Variants in AKAP13 observed in about 807,000 individuals in gnomAD.
AKAP13 encodes the protein A-kinase anchoring protein 13.
Under a neutral mutation model 264.5 loss-of-function variants are expected in AKAP13, and 80 were observed. That is an observed-to-expected ratio of 0.30 (90% CI 0.25 to 0.36). The LOEUF is 0.36. AKAP13 is among the 10% of genes least tolerant of loss of function. AKAP13 has a pLI of 1.00. For missense variants in AKAP13, 3,712 were observed against 3,435.2 expected, an observed-to-expected ratio of 1.08 and a Z score of -2.01; for synonymous variants, 1,380 against 1,250.2, an observed-to-expected ratio of 1.10 and a Z score of -2.19.
intron 7 of AKAP13, among the ~76,000 whole-genome samples, 158 bp downstream of exon 7, chr15:85,582,265 A>G (rs541973866): frequency 1.3e-5 from 2 of 152,322 alleles, no homozygotes; most frequent in South Asian, 2.1e-4. Context: ...CAGGAGGGGC[A>G]CGTCATCTCA....
intron 29 of AKAP13, among the ~76,000 whole-genome samples, chr15:85,728,235 A>C (rs2087737756): frequency 6.6e-6 from 1 of 152,234 alleles, no homozygotes; most frequent in South Asian, 2.1e-4. Context: ...TTTCAAAGTA[A>C]AGACTATGCT....
At chr15:85,480,660 G>C (rs2075322450) in intron 1 of AKAP13, among the ~76,000 whole-genome samples, 1 of 151,992 alleles carries the variant, frequency 6.6e-6, no homozygotes, top group Admixed American at 6.6e-5. Context: ...GATGTATAAA[G>C]CTGTTGGATA....
At chr15:85,640,827 A>C (rs1567170312) in intron 9 of AKAP13, among the ~76,000 whole-genome samples, 1 of 152,184 alleles carries the variant, frequency 6.6e-6, no homozygotes, top group Non-Finnish European at 1.5e-5. Context: ...GGAAGGAAAG[A>C]TCTCCACACA....
intron 1 of AKAP13, among the ~76,000 whole-genome samples, chr15:85,409,700 G>A (rs952019795): frequency 7.5e-5 from 11 of 146,612 alleles, no homozygotes; most frequent in South Asian, 2.2e-4. Flanking sequence ...GTGCGATCTC[G>A]GCTCACTGCA....
At chr15:85,601,409 T>G (rs2080063157) in intron 8 of AKAP13, among the ~76,000 whole-genome samples, 1 of 152,222 alleles carries the variant, frequency 6.6e-6, no homozygotes, top group South Asian at 2.1e-4. Context: ...GTTATGAAAT[T>G]GTTTAGACCT....
At chr15:85,465,434 C>T (rs781586728) in intron 1 of AKAP13, among the ~76,000 whole-genome samples, 51 of 150,454 alleles carry the variant, frequency 3.4e-4, no homozygotes, top group Non-Finnish European at 6.5e-4. Context: ...ATGTGCCATG[C>T]TGGTGTGCCG....
At position 85,747,163 on chromosome 15, in the gene AKAP13, C is replaced by G. The variant is rs1263617481; in HGVS notation, c.*2486C>G. The G allele has an allele frequency of 6.6e-6, 1 of 152,214 alleles. No homozygotes were observed. The highest frequency in any genetic ancestry group is 1.5e-5 in the Non-Finnish European group (1 of 68,054). The allele number at this position is 152,214 out of a possible 1,614,324, so 9.4% of individuals were successfully genotyped here. A position where few individuals can be genotyped will look rare whatever the true frequency, so the allele number is the denominator to read the frequency against. On this transcript the variant is annotated 3_prime_UTR_variant, in exon 37 of 37. Coordinates refer to ENST00000394518, the MANE Select transcript of AKAP13 (RefSeq NM_007200.5). ...TTCCCTCAAACCACCCAACTTCATC[C>G]AGGAATACAGTCTGCAGTGCAGCAA...
intron 8 of AKAP13, among the ~76,000 whole-genome samples, chr15:85,614,583 A>G (rs1450009244): frequency 6.6e-6 from 1 of 152,216 alleles, no homozygotes; most frequent in Non-Finnish European, 1.5e-5. Flanking sequence ...GTAAAATCAA[A>G]TGTAGGGATA....
intron 1 of AKAP13, among the ~76,000 whole-genome samples, chr15:85,399,502 C>CAAAAAAAAAAAAAAA (rs71138392): frequency 7.8e-5 from 6 of 77,066 alleles, no homozygotes; most frequent in African/African-American, 3.0e-4. Context: ...GACTCCGTCT[C>CAAAAAAAAAAAAAAA]AAAAAAAAAA....
rs1173912822 is a variant in AKAP13, at chr15:85,580,894, C to G, written c.2826C>G (p.Leu942=). The stretch of plus-strand genomic sequence containing the variant: ...GTTCCTCTATTAAGGAAAATGCTCT[C>G]TCTTCAGGAACTTTGCAGGAAGAGC... The part of the protein sequence containing the change: ...VTCSSIKENA[L]SSGTLQEEQR... The change falls in exon 7 of 37, where the codon CTC becomes CTG. Residue 942 remains leucine, a synonymous_variant. Transcript: ENST00000394518. The G allele has an allele frequency of 3.1e-6, 5 of 1,614,204 alleles. No homozygotes were observed. Among genetic ancestry groups the G allele is most frequent in the African/African-American group, 1.3e-5 (1 of 75,054 alleles).
intron 5 of AKAP13, among the ~76,000 whole-genome samples, chr15:85,574,876 T>C (rs1218486887): frequency 6.6e-6 from 1 of 152,206 alleles, no homozygotes. Context: ...ATCCCACATA[T>C]CTCTTTATCT....
intron 23 of AKAP13, among the ~76,000 whole-genome samples, chr15:85,720,126 C>T (rs1466792494): frequency 1.3e-5 from 2 of 151,844 alleles, no homozygotes; most frequent in African/African-American, 4.8e-5. Flanking sequence ...CCCAACCACT[C>T]AGGAGCCCGA....
intron 8 of AKAP13, among the ~76,000 whole-genome samples, chr15:85,614,283 A>G (rs2080841341): frequency 6.6e-6 from 1 of 152,224 alleles, no homozygotes; most frequent in Admixed American, 6.5e-5. Flanking sequence ...AATATCTGAA[A>G]TGCTGCCAAA....
chr15:85,683,689 T>C (rs1861858), intron 15 of AKAP13: 26,830 of 152,252 alleles, frequency 0.18, 2,628 homozygotes, highest in Non-Finnish European at 0.22. Context: ...GAGGCTGGTC[T>C]TGAACTCCTG....
At position 85,669,884 on chromosome 15, in the gene AKAP13, C is replaced by T. The variant is rs748463817; in HGVS notation, c.5101+54C>T. On this transcript the variant is annotated intron_variant, in intron 14 of 36. Transcript: ENST00000394518. ...AATATATTAAATCTTAACCACTCTTCCTATTATTTTTCTCACTTTAAGGCC... is the reference window on the plus strand; with the variant it reads ...AATATATTAAATCTTAACCACTCTTTCTATTATTTTTCTCACTTTAAGGCC... 4.0e-4 allele frequency: 547 copies of T among 1,354,264 alleles called. 2 individuals carry two copies. The highest frequency in any genetic ancestry group is 7.8e-5 in the Non-Finnish European group (76 of 978,204). 83.9% of individuals were successfully genotyped at this position (1,354,264 alleles called of 1,614,324 possible). A position where few individuals can be genotyped will look rare whatever the true frequency, so the allele number is the denominator to read the frequency against.
intron 1 of AKAP13, among the ~76,000 whole-genome samples, chr15:85,406,408 G>GC (rs2071668189): frequency 9.6e-6 from 1 of 103,966 alleles, no homozygotes; most frequent in South Asian, 2.9e-4. Context: ...TTTTTTTTTT[G>GC]TTTTTTTTTT....
chr15:85,451,217 T>A (rs2074078492), intron 1 of AKAP13, among the ~76,000 whole-genome samples: 1 of 152,166 alleles, frequency 6.6e-6, no homozygotes, highest in Non-Finnish European at 1.5e-5. Context: ...GTGTTTCCCA[T>A]TTGCTTGGTA....
chr15:85,399,542 ATAAAT>A (rs1567038767), intron 1 of AKAP13, among the ~76,000 whole-genome samples: 1 of 114,494 alleles, frequency 8.7e-6, no homozygotes, highest in Non-Finnish European at 1.9e-5. Context: ...AAAAAAATAA[ATAAAT>A]AAATAAATAA....
intron 7 of AKAP13, 51 bp from the exon 8 acceptor site, chr15:85,585,651 C>T: frequency 6.2e-7 from 1 of 1,610,770 alleles, no homozygotes; most frequent in Non-Finnish European, 8.5e-7. Flanking sequence ...AATAGTAAGG[C>T]ACAGGAATCA....
Sources: allele counts gnomAD v4.1 joint callset (sites outside exome capture counted in the v4.1 genomes callset), GRCh38; gene constraint gnomAD v4.1.1; transcripts MANE v1.5; gene names NCBI Gene and HGNC (gene_info 2026-07-23, HGNC 2026-07-21).